Variants in FANCM observed in about 807,000 individuals in gnomAD.
FANCM encodes Fanconi anemia group M protein.
In FANCM, 140 loss-of-function variants were observed where a neutral mutation model predicts 199.5. The observed-to-expected ratio is 0.70, with a 90% CI of 0.61 to 0.81. FANCM has a LOEUF of 0.81. Ranked by LOEUF, FANCM falls within the 30% of genes least tolerant of loss-of-function variation. FANCM has a pLI of 0.00. For synonymous variants in FANCM, 840 were observed against 836.8 expected (o/e 1.00, Z -0.07); for missense variants, 2,410 against 2,421.4 (o/e 1.00, Z 0.10).
At chr14:45,166,450 A>G (rs996125007) in intron 10 of FANCM, among the ~76,000 whole-genome samples, 2 of 152,010 alleles carry the variant, frequency 1.3e-5, no homozygotes, top group Non-Finnish European at 2.9e-5. Flanking sequence ...AATGATTTCC[A>G]TTAAAGGTTA....
rs769919966 is a variant in FANCM at position 45,189,048 on chromosome 14, G to A, written c.5026G>A (p.Glu1676Lys). The A allele has an allele frequency of 5.7e-5, 92 of 1,613,942 alleles. No homozygotes were observed. In the East Asian group the frequency reaches 2.0e-3, roughly 36 times the overall value. The change falls in exon 20 of 23, where the codon GAG (glutamate) becomes AAG (lysine). Residue 1676 changes from glutamate (E) to lysine (K), a missense_variant. By Grantham distance (56) the Glu-to-Lys change is moderately conservative. Transcript: ENST00000267430. The part of the protein sequence containing the change: ...RIILPDDSSE[E>K]ENNVNDKRES... ...TATTTTACCAGATGATTCAAGTGAG[G>A]AGGAGAACAATGTAAATGATAAAAG...
Position 45,185,211 on chromosome 14 carries a change from ACTT to A in FANCM, c.4516-5_4516-3del. Reference sequence around the variant, plus strand: ...ATCTTCATGTTTTCTAATTTGTCTTACTTAGCATGTAGCTAGGAAGTTTTTAGA... The same window carrying A: ...ATCTTCATGTTTTCTAATTTGTCTTAAGCATGTAGCTAGGAAGTTTTTAGA... On this transcript the variant is annotated splice_polypyrimidine_tract_variant and splice_region_variant and intron_variant, in intron 17 of 22. Transcript: ENST00000267430. 8.6e-7 allele frequency: 1 copy of A among 1,160,132 alleles called. No homozygotes were observed. The highest frequency in any genetic ancestry group is 1.1e-6 in the Non-Finnish European group (1 of 890,204). 71.9% of individuals were successfully genotyped at this position (1,160,132 alleles called of 1,614,324 possible). A position where few individuals can be genotyped will look rare whatever the true frequency, so the allele number is the denominator to read the frequency against.
Position 45,173,190 on chromosome 14 carries a change from G to A in FANCM, c.2296G>A (p.Glu766Lys). The A allele has an allele frequency of 6.2e-7, 1 of 1,613,902 alleles. No homozygotes were observed. The highest frequency in any genetic ancestry group is 8.5e-7 in the Non-Finnish European group (1 of 1,179,846). ...TTTTATAGGCCTTATGCAAATGATA[G>A]AGGGAATGAGACACGAAGAGGTGGG... ...RHFIGLMQMIEGMRHEEGECS... is the reference protein window; with the variant it reads ...RHFIGLMQMIKGMRHEEGECS... The change falls in exon 13 of 23, where the codon GAG becomes AAG. Residue 766 changes from glutamate to lysine, a missense_variant. By Grantham distance (56) the Glu-to-Lys change is moderately conservative. Coordinates refer to ENST00000267430, the MANE Select transcript of FANCM (RefSeq NM_020937.4).
intron 12 of FANCM, among the ~76,000 whole-genome samples, chr14:45,171,848 A>C (rs1888363586): frequency 6.6e-6 from 1 of 151,916 alleles, no homozygotes; most frequent in Non-Finnish European, 1.5e-5. Flanking sequence ...TCATATAATG[A>C]CTTCTTTTCC....
intron 9 of FANCM, 129 bp from the exon 10 acceptor site, chr14:45,164,230 C>G (rs1174932179): frequency 3.9e-6 from 3 of 765,702 alleles, no homozygotes; most frequent in Non-Finnish European, 6.7e-6. Flanking sequence ...CAGGCATGAG[C>G]TGTGGCCAGC....
intron 9 of FANCM, among the ~76,000 whole-genome samples, chr14:45,160,377 C>T (rs1027337857): frequency 9.4e-5 from 14 of 149,024 alleles, no homozygotes; most frequent in African/African-American, 3.5e-4. Flanking sequence ...GGGTGGAGTA[C>T]AGTGGCCCAA....
intron 19 of FANCM, 52 bp from the exon 20 acceptor site, chr14:45,188,750 A>G: frequency 1.5e-6 from 2 of 1,308,918 alleles, no homozygotes; most frequent in East Asian, 4.6e-5. Context: ...TATTTTAAAT[A>G]CCTGTTAATT....
intron 9 of FANCM, among the ~76,000 whole-genome samples, chr14:45,160,800 C>T (rs979041925): frequency 3.3e-5 from 5 of 152,128 alleles, no homozygotes; most frequent in Non-Finnish European, 5.9e-5. Context: ...CTCGGCCTCC[C>T]AAAGTGCTGG....
chr14:45,145,442 C>T (rs1886294127), intron 3 of FANCM, among the ~76,000 whole-genome samples: 1 of 152,098 alleles, frequency 6.6e-6, no homozygotes. Flanking sequence ...TAGGGCTGGT[C>T]TAAATTCTCC....
rs368728266 is a variant in FANCM, at chr14:45,167,133, C to T, written c.1972C>T (p.Arg658Ter). Residue 658 changes from arginine to a stop codon, truncating the protein, a stop_gained, in exon 11 of 23, where the codon CGA (arginine) becomes TGA (stop). Transcript: ENST00000267430. LOFTEE classifies it high-confidence loss of function. Reference protein sequence around the residue: ...EPEKPSRNLQRKSSIFSYRDG... With the variant: ...EPEKPSRNLQ ...AGAGAAGCCTTCTCGGAACTTGCAG[C>T]GAAAGTCATCTATCTTTTCCTATAG... is the stretch of plus-strand genomic sequence containing the variant. 144 of 1,611,790 alleles carry T rather than the reference C, an allele frequency of 8.9e-5. No individual in the cohort carries two copies. The highest frequency in any genetic ancestry group is 1.1e-4 in the Non-Finnish European group (133 of 1,177,982).
chr14:45,168,881 A>G (rs1888155493), intron 11 of FANCM, among the ~76,000 whole-genome samples: 2 of 149,468 alleles, frequency 1.3e-5, no homozygotes, highest in Admixed American at 6.7e-5. Context: ...ATACACTAGT[A>G]TGTAATTCAT....
intron 11 of FANCM, among the ~76,000 whole-genome samples, chr14:45,170,159 C>T (rs1257398048): frequency 6.6e-6 from 1 of 152,174 alleles, no homozygotes; most frequent in African/African-American, 2.4e-5. Flanking sequence ...TTAATGGATT[C>T]ATTACCAAAG....
intron 8 of FANCM, among the ~76,000 whole-genome samples, chr14:45,158,705 C>G (rs1038843984): frequency 2.6e-5 from 4 of 152,106 alleles, no homozygotes; most frequent in African/African-American, 9.7e-5. Context: ...AAAAGTGATT[C>G]AGATAATTCA....
Position 45,196,517 on chromosome 14 carries a change from G to T in FANCM, c.5686G>T (p.Val1896Leu), listed in dbSNP as rs1343009476. Residue 1896 changes from valine (V) to leucine (L), a missense_variant, in exon 21 of 23, where the codon GTG becomes TTG. Coordinates refer to ENST00000267430, the MANE Select transcript of FANCM (RefSeq NM_020937.4). The part of the protein sequence containing the change: ...HLQSMFERIC[V>L]IVEKDREKTG... Reference sequence around the variant, plus strand: ...GCAGAGTATGTTTGAAAGAATATGTGTGATTGTGGAAAAGGACAGAGAAAA... The same window carrying T: ...GCAGAGTATGTTTGAAAGAATATGTTTGATTGTGGAAAAGGACAGAGAAAA... 1 of 1,613,984 alleles carries T rather than the reference G, an allele frequency of 6.2e-7. No individual in the cohort carries two copies. Among genetic ancestry groups the T allele is most frequent in the Non-Finnish European group, 8.5e-7 (1 of 1,180,000 alleles).
chr14:45,198,371 A>G (rs1890182687), intron 21 of FANCM: 1 of 265,094 alleles, frequency 3.8e-6, no homozygotes, highest in Non-Finnish European at 7.2e-6. Flanking sequence ...GATGAGTAAT[A>G]CAGTCTTGGC....
intron 20 of FANCM, chr14:45,195,672 G>C: frequency 2.8e-6 from 1 of 351,968 alleles, no homozygotes; most frequent in South Asian, 2.3e-5. Context: ...GGTCAGACCA[G>C]TTATGTATTT....
intron 11 of FANCM, among the ~76,000 whole-genome samples, chr14:45,168,919 TTTTTA>T (rs982507428): frequency 5.4e-5 from 8 of 147,246 alleles, no homozygotes; most frequent in South Asian, 2.1e-4. Context: ...AATTGACTAT[TTTTTA>T]TTTTATTTTA....
chr14:45,176,776 T>A lies in FANCM; in HGVS notation c.4022T>A (p.Leu1341His). Residue 1341 changes from leucine to histidine, a missense_variant, in exon 14 of 23, where the codon CTC (leucine) becomes CAC (histidine). Leu to His is a moderately conservative substitution (Grantham distance 99). Coordinates refer to ENST00000267430, the MANE Select transcript of FANCM (RefSeq NM_020937.4). ...PVQKKVMSTPLSKSNTLNSFS... is the reference protein window; with the variant it reads ...PVQKKVMSTPHSKSNTLNSFS... ...CAAAAAAAAGTTATGAGTACACCAC[T>A]CTCTAAATCAAACACATTGAACTCA... 1 of 1,609,366 alleles carries A rather than the reference T, an allele frequency of 6.2e-7. No individual in the cohort carries two copies. The highest frequency in any genetic ancestry group is 1.3e-5 in the African/African-American group (1 of 74,754).
intron 9 of FANCM, among the ~76,000 whole-genome samples, chr14:45,160,010 T>G (rs938827664): frequency 1.6e-4 from 24 of 150,538 alleles, no homozygotes; most frequent in East Asian, 3.9e-4. Flanking sequence ...TTGTTTTTTT[T>G]TTTTTTTTTA....
Sources: allele counts gnomAD v4.1 joint callset (sites outside exome capture counted in the v4.1 genomes callset), GRCh38; gene constraint gnomAD v4.1.1; transcripts MANE v1.5; gene names NCBI Gene and HGNC (gene_info 2026-07-23, HGNC 2026-07-21).